Variants in MINAR1 observed in about 807,000 individuals in gnomAD.
MINAR1 encodes major intrinsically disordered Notch2-binding receptor 1.
Under a neutral mutation model 65.1 loss-of-function variants are expected in MINAR1, and 40 were observed. The ratio of observed to expected loss-of-function variants is 0.61; its 90% CI spans 0.48 to 0.80. MINAR1 has a LOEUF of 0.80. Among genes scored for constraint, MINAR1 ranks in the 30% least tolerant of loss-of-function variants. The pLI is 0.00. For missense variants in MINAR1, 1,128 were observed against 1,148.0 expected (o/e 0.98, Z 0.25); for synonymous variants, 482 against 449.1 (o/e 1.07, Z -0.93).
intron 1 of MINAR1, among the ~76,000 whole-genome samples, chr15:79,439,419 G>A (rs1433276827): frequency 6.7e-6 from 1 of 150,098 alleles, no homozygotes; most frequent in Admixed American, 6.6e-5. Context: ...AGATGTGGGT[G>A]GGGTAGGCAG....
chr15:79,437,438 AGT>A, intron 1 of MINAR1, among the ~76,000 whole-genome samples: 1 of 131,452 alleles, frequency 7.6e-6, no homozygotes, highest in East Asian at 2.4e-4. Flanking sequence ...GTAGTGAGTG[AGT>A]GTGGGTATAA....
rs1010474112 is a variant in MINAR1 at position 79,470,873 on chromosome 15, G to A, written c.*2489G>A. 6.6e-6 allele frequency: 1 copy of A among 152,152 alleles called. No individual in the cohort carries two copies. Among genetic ancestry groups the A allele is most frequent in the African/African-American group, 2.4e-5 (1 of 41,418 alleles). 9.4% of individuals were successfully genotyped at this position (152,152 alleles called of 1,614,324 possible). ...CTGATAATACCAAGTCTGACGCTGA[G>A]GTTATGAATCATTACCATGGCTTGG... On this transcript the variant is annotated 3_prime_UTR_variant, in exon 4 of 4. Coordinates refer to ENST00000305428, the MANE Select transcript of MINAR1 (RefSeq NM_015206.3).
At chr15:79,420,757 G>C in the MINAR1 span, 1 of 152,214 alleles carries the variant, frequency 6.6e-6, no homozygotes, top group African/African-American at 2.4e-5. Context: ...ACACCAAAAG[G>C]CCTACAGGGT....
chr15:79,447,463 T>C (rs1475354304), intron 1 of MINAR1, among the ~76,000 whole-genome samples: 1 of 138,092 alleles, frequency 7.2e-6, no homozygotes, highest in African/African-American at 3.2e-5. Flanking sequence ...AGATTGTGGA[T>C]TCATTTATTT....
the MINAR1 span, chr15:79,415,157 G>A: frequency 1.3e-5 from 2 of 152,282 alleles, no homozygotes; most frequent in Non-Finnish European, 2.9e-5. Flanking sequence ...TCCAGGGTGA[G>A]GGGCCCTGCC....
chr15:79,424,898 G>A, the MINAR1 span: 4 of 152,126 alleles, frequency 2.6e-5, no homozygotes. Flanking sequence ...TAGAAGGAAG[G>A]CCTAGATACT....
intron 1 of MINAR1, among the ~76,000 whole-genome samples, chr15:79,444,874 G>T (rs1208809144): frequency 6.6e-6 from 1 of 151,880 alleles, no homozygotes; most frequent in Non-Finnish European, 1.5e-5. Context: ...TTGGGTCCAG[G>T]TTCTCTATAT....
At chr15:79,413,186 A>G in the MINAR1 span, 1 of 152,214 alleles carries the variant, frequency 6.6e-6, no homozygotes, top group Non-Finnish European at 1.5e-5. Context: ...AAATGACCAC[A>G]CTAGCTCTCC....
rs1895522308 is a variant in MINAR1 at position 79,458,413 on chromosome 15, GATA to G, written c.2271_2273del (p.Asn757del). ...GGAGATAAAAGACACAGGCCCAGGA[GATA>G]ATAAAGACTGGCATCGGAAATCTAA... On this transcript the variant is annotated inframe_deletion, in exon 2 of 4. Transcript: ENST00000305428. 1 of 1,611,044 alleles carries G rather than the reference GATA, an allele frequency of 6.2e-7. No homozygotes were observed. Among genetic ancestry groups the G allele is most frequent in the Non-Finnish European group, 8.5e-7 (1 of 1,178,746 alleles).
chr15:79,432,705 G>A (rs1161647911), intron 1 of MINAR1, among the ~76,000 whole-genome samples, 165 bp downstream of exon 1: 7 of 152,216 alleles, frequency 4.6e-5, no homozygotes, highest in Admixed American at 4.6e-4. Context: ...GGAGCATTGC[G>A]GGCCGCGGAG....
rs986439254 is a variant in MINAR1 at position 79,463,937 on chromosome 15, C to A, written c.2553+616C>A. Among the ~76,000 whole-genome samples the A allele has an allele frequency of 4.6e-5, 7 of 152,216 alleles. 1 individual carries two copies. Among genetic ancestry groups the A allele is most frequent in the Admixed American group, 4.6e-4 (7 of 15,290 alleles). Reference sequence around the variant, plus strand: ...CAGATCACCACAGGAGCAAAGGAAGCACCCTGTCCCCCTACCTGTGCACTT... The same window carrying A: ...CAGATCACCACAGGAGCAAAGGAAGAACCCTGTCCCCCTACCTGTGCACTT... On this transcript the variant is annotated intron_variant, in intron 3 of 3. Coordinates refer to ENST00000305428, the MANE Select transcript of MINAR1 (RefSeq NM_015206.3).
upstream of MINAR1, among the ~76,000 whole-genome samples, chr15:79,427,698 T>G (rs1894344904): frequency 6.6e-6 from 1 of 152,230 alleles, no homozygotes. Context: ...GCCTGAAAAT[T>G]ATATCTTAAA....
At chr15:79,431,250 G>T (rs1189662726), upstream of MINAR1, among the ~76,000 whole-genome samples, 1 of 152,168 alleles carries the variant, frequency 6.6e-6, no homozygotes, top group African/African-American at 2.4e-5. Context: ...CCGAAACTAT[G>T]ATTCCCTCCC....
At chr15:79,465,696 TGAG>T (rs1895817145) in intron 3 of MINAR1, among the ~76,000 whole-genome samples, 1 of 151,940 alleles carries the variant, frequency 6.6e-6, no homozygotes, top group Admixed American at 6.6e-5. Context: ...CTAGGATGAC[TGAG>T]AAGAAGAGCA....
the MINAR1 span, chr15:79,411,864 TCCCATGG>T: frequency 1.4e-4 from 30 of 211,106 alleles, no homozygotes; most frequent in East Asian, 7.1e-4. Flanking sequence ...CTCGACTTGC[TCCCATGG>T]CAGACTTTAA....
intron 3 of MINAR1, among the ~76,000 whole-genome samples, chr15:79,465,068 T>C (rs1895789065): frequency 6.6e-6 from 1 of 152,186 alleles, no homozygotes; most frequent in Non-Finnish European, 1.5e-5. Context: ...TTTATAAGCA[T>C]AAAGATAAAA....
At chr15:79,464,633 A>G (rs995881417) in intron 3 of MINAR1, among the ~76,000 whole-genome samples, 2 of 152,156 alleles carry the variant, frequency 1.3e-5, no homozygotes, top group African/African-American at 4.8e-5. Flanking sequence ...AAAGAAAATG[A>G]TTGCAATGAC....
upstream of MINAR1, among the ~76,000 whole-genome samples, chr15:79,430,871 TTTGC>T (rs1177193695): frequency 2.6e-5 from 4 of 152,068 alleles, no homozygotes; most frequent in East Asian, 5.8e-4. Flanking sequence ...TTCACTTTTG[TTTGC>T]TTGTTTTGTT....
intron 2 of MINAR1, among the ~76,000 whole-genome samples, chr15:79,460,470 T>C (rs957323097): frequency 9.2e-5 from 14 of 152,202 alleles, no homozygotes; most frequent in Non-Finnish European, 8.8e-5. Context: ...TCCCTCCTCT[T>C]GGGCTCACTT....
Sources: gnomAD v4.1 joint callset for allele counts (sites outside exome capture counted in the v4.1 genomes callset) on GRCh38, gnomAD v4.1.1 for gene constraint, MANE v1.5 for transcripts, NCBI Gene and HGNC (gene_info 2026-07-23, HGNC 2026-07-21) for gene names.